LHFPL7: variants seen among roughly 807,000 people sequenced by gnomAD.
LHFPL7 encodes the protein LHFPL tetraspan subfamily member 7 protein.
chr22:24,940,533 T>G, the LHFPL7 span, among the ~76,000 whole-genome samples: 3 of 151,286 alleles, frequency 2.0e-5, no homozygotes, highest in African/African-American at 7.3e-5. Context: ...GAGGCGGAGC[T>G]TGCAGTGAGC....
At chr22:24,940,266 G>A in the LHFPL7 span, among the ~76,000 whole-genome samples, 26 of 148,406 alleles carry the variant, frequency 1.8e-4, no homozygotes, top group Admixed American at 1.6e-3. Context: ...TGTTCTAAAG[G>A]GCTGCTTCTA....
At chr22:24,935,459 G>A in the LHFPL7 span, 29 of 1,613,966 alleles carry the variant, frequency 1.8e-5, no homozygotes, top group Non-Finnish European at 2.5e-5. Flanking sequence ...GGACTGCATT[G>A]AGGATAGCAG....
At chr22:24,942,730 T>C in the LHFPL7 span, among the ~76,000 whole-genome samples, 1 of 152,106 alleles carries the variant, frequency 6.6e-6, no homozygotes, top group Non-Finnish European at 1.5e-5. Context: ...TAGTCTGGAC[T>C]AGGGGCAGAC....
At chr22:24,938,034 G>T in the LHFPL7 span, 2 of 1,445,264 alleles carry the variant, frequency 1.4e-6, no homozygotes, top group Non-Finnish European at 9.3e-7. Flanking sequence ...GTTTATCTCT[G>T]AGGTCTGACC....
chr22:24,940,819 G>C, the LHFPL7 span, among the ~76,000 whole-genome samples: 1 of 146,940 alleles, frequency 6.8e-6, no homozygotes, highest in African/African-American at 2.5e-5. Context: ...AAAGGTTGGA[G>C]TGCAGTGCAT....
chr22:24,937,323 A>G, the LHFPL7 span, among the ~76,000 whole-genome samples: 1 of 152,132 alleles, frequency 6.6e-6, no homozygotes, highest in Non-Finnish European at 1.5e-5. Context: ...AGAGGGAGCA[A>G]GCATGGTGTA....
chr22:24,942,342 C>G, the LHFPL7 span, among the ~76,000 whole-genome samples: 3 of 152,324 alleles, frequency 2.0e-5, no homozygotes, highest in Middle Eastern at 6.8e-3. Flanking sequence ...TCAAGTCTTA[C>G]TTTAATAATA....
chr22:24,935,305 T>C, the LHFPL7 span: 1 of 1,598,452 alleles, frequency 6.3e-7, no homozygotes, highest in Non-Finnish European at 8.5e-7. Flanking sequence ...CTCTGGAGTG[T>C]GCCCTTTGTG....
At chr22:24,935,191 G>C in the LHFPL7 span, 2 of 1,113,802 alleles carry the variant, frequency 1.8e-6, no homozygotes, top group African/African-American at 3.1e-5. Flanking sequence ...TCATTTTCCA[G>C]AAGAAAAAAC....
chr22:24,938,255 G>C, the LHFPL7 span: 3 of 1,613,976 alleles, frequency 1.9e-6, no homozygotes, highest in Non-Finnish European at 2.5e-6. Flanking sequence ...AGGCCAACAG[G>C]AGCCAGCCTC....
At chr22:24,939,547 G>A in the LHFPL7 span, 2 of 702,568 alleles carry the variant, frequency 2.8e-6, no homozygotes, top group Non-Finnish European at 2.6e-6. Flanking sequence ...AGGCAGTATC[G>A]CTGACCTAGG....
the LHFPL7 span, among the ~76,000 whole-genome samples, chr22:24,944,973 C>T: frequency 3.3e-5 from 5 of 152,006 alleles, no homozygotes; most frequent in Admixed American, 6.6e-5. Flanking sequence ...CCACGCCCAG[C>T]TAATTTTTGT....
At chr22:24,939,446 C>T in the LHFPL7 span, 250 of 702,936 alleles carry the variant, frequency 3.6e-4, 2 homozygotes, top group Admixed American at 4.7e-3. Flanking sequence ...AGGAGAAGGT[C>T]GGGGTCTGGA....
At chr22:24,941,021 G>T in the LHFPL7 span, among the ~76,000 whole-genome samples, 2 of 151,704 alleles carry the variant, frequency 1.3e-5, no homozygotes, top group Non-Finnish European at 2.9e-5. Context: ...GGCCAGGCTG[G>T]CCTCAAGGAA....
chr22:24,946,193 C>A, the LHFPL7 span, among the ~76,000 whole-genome samples: 5 of 152,022 alleles, frequency 3.3e-5, no homozygotes, highest in Non-Finnish European at 7.4e-5. Context: ...GCCTGTAATC[C>A]CAGCTATTCG....
chr22:24,946,121 C>A, the LHFPL7 span, among the ~76,000 whole-genome samples: 1 of 152,110 alleles, frequency 6.6e-6, no homozygotes, highest in Non-Finnish European at 1.5e-5. Context: ...ACCAGCCTGG[C>A]CAATATGGCA....
the LHFPL7 span, among the ~76,000 whole-genome samples, chr22:24,941,914 C>T: frequency 3.4e-4 from 51 of 152,190 alleles, no homozygotes; most frequent in African/African-American, 1.0e-3. Context: ...ATCCGCACGC[C>T]TCGGACTCCT....
the LHFPL7 span, among the ~76,000 whole-genome samples, chr22:24,937,577 A>C: frequency 6.6e-6 from 1 of 152,230 alleles, no homozygotes; most frequent in Non-Finnish European, 1.5e-5. Context: ...CCAAATAGAC[A>C]CTAAGGGGGA....
chr22:24,939,658 C>G, the LHFPL7 span: 2 of 654,948 alleles, frequency 3.1e-6, no homozygotes, highest in Middle Eastern at 4.0e-4. Flanking sequence ...TGATCAGACC[C>G]CAGATCATCA....
Sources: gnomAD v4.1 joint callset for allele counts (sites outside exome capture counted in the v4.1 genomes callset) on GRCh38, gnomAD v4.1.1 for gene constraint, MANE v1.5 for transcripts, NCBI Gene and HGNC (gene_info 2026-07-23, HGNC 2026-07-21) for gene names.